The following MYBL2 variants were observed in gnomAD, a reference collection of about 807,000 sequenced individuals.
MYBL2 encodes the protein myb-related protein B.
Under a neutral mutation model 79.9 loss-of-function variants are expected in MYBL2, and 28 were observed. That is an observed-to-expected ratio of 0.35 (90% CI 0.26 to 0.48). The LOEUF (loss-of-function observed/expected upper bound fraction) is 0.48, where lower values mean the gene tolerates loss of function less well. MYBL2 is among the 20% of genes least tolerant of loss of function. MYBL2 has a pLI of 0.99. For synonymous variants in MYBL2, 378 were observed against 361.2 expected, an observed-to-expected ratio of 1.05 and a Z score of -0.53; for missense variants, 735 against 893.9, an observed-to-expected ratio of 0.82 and a Z score of 2.27.
intron 2 of MYBL2, among the ~76,000 whole-genome samples, chr20:43,676,601 T>C (rs73274401): frequency 3.4e-4 from 52 of 152,348 alleles, no homozygotes; most frequent in African/African-American, 1.0e-3. Context: ...AGTTTTTGGC[T>C]ATCGTGTATA....
intron 2 of MYBL2, among the ~76,000 whole-genome samples, chr20:43,675,805 CA>C (rs1328906058): frequency 4.7e-5 from 7 of 150,302 alleles, no homozygotes; most frequent in Non-Finnish European, 7.4e-5. Context: ...ACTTTAGGTT[CA>C]GGGGTATATG....
chr20:43,688,513 C>T (rs1987332693), intron 5 of MYBL2, among the ~76,000 whole-genome samples: 1 of 151,930 alleles, frequency 6.6e-6, no homozygotes, highest in Non-Finnish European at 1.5e-5. Flanking sequence ...ACAGGGTTCT[C>T]ACTCTGTCAC....
At chr20:43,705,104 C>T in intron 8 of MYBL2, 115 bp from the exon 9 acceptor site, 1 of 1,359,376 alleles carries the variant, frequency 7.4e-7, no homozygotes, top group Non-Finnish European at 1.0e-6. Context: ...ACCTCAGTAT[C>T]AGAGCAGACG....
rs556245793 is a variant in MYBL2 at position 43,681,608 on chromosome 20, G to A, written c.115-176G>A. 4.6e-5 allele frequency among the ~76,000 whole-genome samples: 7 copies of A among 152,346 alleles called. No homozygotes were observed. The East Asian group carries it at 1.3e-3, about 29-fold the overall frequency. On this transcript the variant is annotated intron_variant, in intron 2 of 13. Coordinates refer to ENST00000217026, the MANE Select transcript of MYBL2 (RefSeq NM_002466.4). ...CAGCTGGCTCCCTCCCATGAGATCA[G>A]GGGCAGCTCTTTTGCTGCCTGCTGC...
intron 11 of MYBL2, among the ~76,000 whole-genome samples, chr20:43,711,888 A>C (rs1320677618): frequency 6.6e-6 from 1 of 152,144 alleles, no homozygotes; most frequent in Non-Finnish European, 1.5e-5. Flanking sequence ...TGGAGCAGCA[A>C]TTACGACCCA....
intron 12 of MYBL2, among the ~76,000 whole-genome samples, chr20:43,714,887 C>T (rs1369770589): frequency 6.6e-6 from 1 of 152,214 alleles, no homozygotes; most frequent in Non-Finnish European, 1.5e-5. Flanking sequence ...CCTCGGCCTC[C>T]CAAAGTGCTG....
chr20:43,698,634 T>C (rs1453448462), intron 6 of MYBL2, among the ~76,000 whole-genome samples: 1 of 150,418 alleles, frequency 6.6e-6, no homozygotes, highest in Admixed American at 6.7e-5. Flanking sequence ...CGTCTCGGCC[T>C]CCCAATGTGC....
intron 6 of MYBL2, among the ~76,000 whole-genome samples, chr20:43,695,277 G>A (rs1025986319): frequency 3.3e-5 from 5 of 152,122 alleles, no homozygotes; most frequent in African/African-American, 1.2e-4. Context: ...CTGACCTCAG[G>A]TGATCCACCT....
Position 43,716,315 on chromosome 20 carries a change from C to T in MYBL2, c.*228C>T. The T allele has an allele frequency of 3.3e-6, 2 of 600,486 alleles. No homozygotes were observed. Among genetic ancestry groups the T allele is most frequent in the Non-Finnish European group, 5.5e-6 (2 of 363,834 alleles). 37.2% of individuals were successfully genotyped at this position (600,486 alleles called of 1,614,324 possible). On this transcript the variant is annotated 3_prime_UTR_variant, in exon 14 of 14. Coordinates refer to ENST00000217026, the MANE Select transcript of MYBL2 (RefSeq NM_002466.4). ...AACAAAGTTCCACTTCCAGGTCTGC[C>T]TGGTTCCCTCCCCAAGGCCACAGGG... is the stretch of plus-strand genomic sequence containing the variant.
chr20:43,711,539 G>A lies in MYBL2; in HGVS notation c.1657G>A (p.Ala553Thr). 6.2e-7 allele frequency: 1 copy of A among 1,613,882 alleles called. No individual in the cohort carries two copies. The highest frequency in any genetic ancestry group is 2.2e-5 in the East Asian group (1 of 44,872). ...EDLKEVLRSE[A>T]GIELIIEDDI... ...CTTGAAGGAGGTGCTGCGTTCTGAGGCTGGCATCGAACTCATCATCGAGGA... is the reference window on the plus strand; with the variant it reads ...CTTGAAGGAGGTGCTGCGTTCTGAGACTGGCATCGAACTCATCATCGAGGA... The change falls in exon 11 of 14, where the codon GCT (alanine) becomes ACT (threonine). Residue 553 changes from alanine (A) to threonine (T), a missense_variant. Ala to Thr is a moderately conservative substitution (Grantham distance 58). Transcript: ENST00000217026.
At chr20:43,708,132 G>A (rs1315682223) in intron 9 of MYBL2, among the ~76,000 whole-genome samples, 1 of 152,082 alleles carries the variant, frequency 6.6e-6, no homozygotes, top group Non-Finnish European at 1.5e-5. Flanking sequence ...AGACAGTCTT[G>A]CTCTGTCCCC....
At chr20:43,674,233 C>CG (rs1419872071) in intron 2 of MYBL2, among the ~76,000 whole-genome samples, 4 of 98,146 alleles carry the variant, frequency 4.1e-5, no homozygotes, top group South Asian at 4.4e-4. Context: ...CTCCCCCCAC[C>CG]CTTTTTTTTT....
intron 6 of MYBL2, among the ~76,000 whole-genome samples, chr20:43,698,408 C>G (rs373338040): frequency 3.7e-5 from 4 of 106,798 alleles, no homozygotes; most frequent in Non-Finnish European, 6.8e-5. Flanking sequence ...GACAGAGTCT[C>G]GTTCTGTAGC....
At chr20:43,711,159 G>A (rs1987896186) in intron 10 of MYBL2, among the ~76,000 whole-genome samples, 1 of 152,194 alleles carries the variant, frequency 6.6e-6, no homozygotes, top group Admixed American at 6.5e-5. Context: ...TTCAGCAGCT[G>A]TGTGACTGTG....
intron 2 of MYBL2, among the ~76,000 whole-genome samples, chr20:43,677,680 TG>T (rs1231488723): frequency 7.0e-6 from 1 of 142,404 alleles, no homozygotes; most frequent in Non-Finnish European, 1.5e-5. Context: ...GGGAGGGAGG[TG>T]GGGGGGTCAG....
intron 6 of MYBL2, among the ~76,000 whole-genome samples, chr20:43,694,522 G>T (rs1454252890): frequency 6.6e-6 from 1 of 152,138 alleles, no homozygotes; most frequent in Non-Finnish European, 1.5e-5. Context: ...ACTGGGTAGA[G>T]ATAACTTGTT....
At chr20:43,687,132 T>G in intron 5 of MYBL2, 60 bp downstream of exon 5, 5 of 1,545,306 alleles carry the variant, frequency 3.2e-6, no homozygotes, top group Non-Finnish European at 4.4e-6. Flanking sequence ...GTGTTTCTGA[T>G]GGAGGAGGGT....
chr20:43,702,856 A>T lies in MYBL2; in HGVS notation c.1318A>T (p.Thr440Ser), dbSNP rs1287565104. 1.2e-6 allele frequency: 2 copies of T among 1,611,774 alleles called. No homozygotes were observed. Among genetic ancestry groups the T allele is most frequent in the African/African-American group, 2.7e-5 (2 of 74,948 alleles). Residue 440 changes from threonine (T) to serine (S), a missense_variant, in exon 8 of 14, where the codon ACG (threonine) becomes TCG (serine). Physicochemically the swap from Thr to Ser is moderately conservative, Grantham distance 58. Around this residue, in one of 5 missense-constraint regions of MYBL2, gnomAD observed 243 missense variants for 327.2 expected, o/e 0.74. Coordinates refer to ENST00000217026, the MANE Select transcript of MYBL2 (RefSeq NM_002466.4). ...CTTCCTGGATTCCTGTAACAGCCTC[A>T]CGCCCAAGAGCACACCTGTTAAGAC... ...LSFLDSCNSL[T>S]PKSTPVKTLP...
chr20:43,675,400 G>A (rs1042765458), intron 2 of MYBL2, among the ~76,000 whole-genome samples: 16 of 150,590 alleles, frequency 1.1e-4, no homozygotes, highest in Non-Finnish European at 1.3e-4. Context: ...TGCAACTTCC[G>A]CCTCCTGGGT....
Sources: gnomAD v4.1 joint callset for allele counts (sites outside exome capture counted in the v4.1 genomes callset) on GRCh38, gnomAD v4.1.1 for gene constraint, gnomAD v4.1.1 regional missense constraint, MANE v1.5 for transcripts, NCBI Gene and HGNC (gene_info 2026-07-23, HGNC 2026-07-21) for gene names.